Variants in ABCC12 observed in about 807,000 individuals in gnomAD.
ABCC12 encodes ATP binding cassette subfamily C member 12.
A neutral mutation model predicts 151.1 loss-of-function variants in ABCC12; 142 were observed. The ratio of observed to expected loss-of-function variants is 0.94; its 90% confidence interval spans 0.82 to 1.08. The LOEUF (loss-of-function observed/expected upper bound fraction) is 1.08. Among genes scored for constraint, ABCC12 ranks in the 50% least tolerant of loss-of-function variants. ABCC12 has a pLI of 0.00. For synonymous variants in ABCC12, 645 were observed against 646.4 expected (o/e 1.00, Z 0.03); for missense variants, 1,638 against 1,691.1 (o/e 0.97, Z 0.55).
chr16:48,142,488 A>G (rs1485700355), intron 4 of ABCC12, among the ~76,000 whole-genome samples: 2 of 152,164 alleles, frequency 1.3e-5, no homozygotes, highest in Non-Finnish European at 2.9e-5. Context: ...GCCAGAGAGA[A>G]CGGCAGAGAG....
rs772369279 is a variant in ABCC12, at chr16:48,088,543, A to G, written c.3475+2T>C. ...AGAAACAAAAGCAGAGCTTGTCCTC[A>G]CCGGAACCTGTTCTTCCAACAATCC... On this transcript the variant is annotated splice_donor_variant, in intron 26 of 30. Coordinates refer to ENST00000311303, the MANE Select transcript of ABCC12 (RefSeq NM_001393797.1). LOFTEE classifies it high-confidence loss of function. 4.3e-6 allele frequency: 7 copies of G among 1,613,392 alleles called. No individual in the cohort carries two copies.
chr16:48,084,808 T>C (rs546228321), intron 29 of ABCC12, among the ~76,000 whole-genome samples: 12 of 152,238 alleles, frequency 7.9e-5, no homozygotes, highest in African/African-American at 2.9e-4. Context: ...AATCAGGACA[T>C]TAACATCTTT....
intron 13 of ABCC12, among the ~76,000 whole-genome samples, chr16:48,120,624 C>T (rs1351351857): frequency 2.0e-5 from 3 of 149,696 alleles, no homozygotes; most frequent in African/African-American, 7.4e-5. Context: ...GGCATGATCT[C>T]GGCTCACTGC....
chr16:48,111,413 C>CT (rs1265062517), intron 18 of ABCC12, 23 bp downstream of exon 18: 1 of 1,608,132 alleles, frequency 6.2e-7, no homozygotes, highest in Admixed American at 1.7e-5. Context: ...GTGTATGTGA[C>CT]TGAGGGGATG....
At chr16:48,131,579 A>G (rs1964427541) in intron 9 of ABCC12, among the ~76,000 whole-genome samples, 1 of 152,174 alleles carries the variant, frequency 6.6e-6, no homozygotes, top group South Asian at 2.1e-4. Flanking sequence ...AATATTCTAC[A>G]GCCTCAATGA....
At chr16:48,116,891 C>A (rs1963901652) in intron 14 of ABCC12, among the ~76,000 whole-genome samples, 1 of 152,144 alleles carries the variant, frequency 6.6e-6, no homozygotes, top group South Asian at 2.1e-4. Context: ...TTAGAGGTGA[C>A]CCCCATACTC....
chr16:48,085,485 AT>A (rs1374350751), intron 29 of ABCC12, 107 bp downstream of exon 29: 4 of 943,066 alleles, frequency 4.2e-6, no homozygotes, highest in Non-Finnish European at 6.7e-6. Context: ...AAATGGCTCA[AT>A]TGCTGTCTCT....
intron 13 of ABCC12, 82 bp downstream of exon 13, chr16:48,121,634 A>G (rs771746050): frequency 1.1e-4 from 175 of 1,538,010 alleles, no homozygotes; most frequent in Non-Finnish European, 1.5e-4. Flanking sequence ...CCCACTTAGC[A>G]GTCATTACCA....
In ABCC12 at chr16:48,107,313, G is replaced by A. The variant is rs776127320; in HGVS notation, c.2475+9C>T. ...ACTCGGCATCTTCCAATGCCAAAGG[G>A]AAACTCACCCGTGAGCCCTTGTCCA... On this transcript the variant is annotated intron_variant, in intron 20 of 30. Coordinates refer to ENST00000311303, the MANE Select transcript of ABCC12 (RefSeq NM_001393797.1). The A allele has an allele frequency of 6.2e-7, 1 of 1,613,560 alleles. No individual in the cohort carries two copies.
intron 27 of ABCC12, 130 bp downstream of exon 27, chr16:48,087,796 C>T (rs1035353049): frequency 2.0e-6 from 2 of 987,286 alleles, no homozygotes; most frequent in Non-Finnish European, 1.5e-6. Context: ...CTTGTGAGCC[C>T]CCCTGGGATA....
At chr16:48,104,820 G>C (rs1963430604) in intron 21 of ABCC12, among the ~76,000 whole-genome samples, 1 of 152,234 alleles carries the variant, frequency 6.6e-6, no homozygotes, top group African/African-American at 2.4e-5. Context: ...GGGCTGGAAG[G>C]ATCTCTTGAG....
At chr16:48,100,693 C>T (rs576521144) in intron 23 of ABCC12, among the ~76,000 whole-genome samples, 179 bp downstream of exon 23, 3 of 152,150 alleles carry the variant, frequency 2.0e-5, no homozygotes, top group Admixed American at 6.5e-5. Context: ...TCTTCTGGGG[C>T]CCAAGATGCT....
In ABCC12 at chr16:48,107,368, G is replaced by C. The variant is rs770596953; in HGVS notation, c.2429C>G (p.Ala810Gly). ...GAGACCCAGCCACCAGTTGCTGAAGGCAGCGCTGCCAATCATCAGGAGGAA... is the reference window on the plus strand; with the variant it reads ...GAGACCCAGCCACCAGTTGCTGAAGCCAGCGCTGCCAATCATCAGGAGGAA... ...FLFLLMIGSAAFSNWWLGLWL... is the reference protein window; with the variant it reads ...FLFLLMIGSAGFSNWWLGLWL... Residue 810 changes from alanine to glycine, a missense_variant, in exon 20 of 31, where the codon GCC becomes GGC. Transcript: ENST00000311303. 1 of 1,614,146 alleles carries C rather than the reference G, an allele frequency of 6.2e-7. No individual in the cohort carries two copies. Among genetic ancestry groups the C allele is most frequent in the Admixed American group, 1.7e-5 (1 of 60,024 alleles).
In ABCC12 at chr16:48,130,867, A is replaced by G. The variant is rs757960352; in HGVS notation, c.1157T>C (p.Val386Ala). ...VAFSVIAMFN[V>A]MKFSIAILPF... The stretch of plus-strand genomic sequence containing the variant: ...CAAGATTGCAATGGAAAACTTCATT[A>G]CATTAAACATGGCAATCACACTAAA... Residue 386 changes from valine to alanine, a missense_variant, in exon 10 of 31, where the codon GTA becomes GCA. By Grantham distance (64) the Val-to-Ala change is moderately conservative. Coordinates refer to ENST00000311303, the MANE Select transcript of ABCC12 (RefSeq NM_001393797.1). 1.9e-6 allele frequency: 3 copies of G among 1,612,944 alleles called. No individual in the cohort carries two copies. The South Asian group carries it at 3.3e-5, about 18-fold the overall frequency.
At chr16:48,143,048 G>T (rs1390402670) in intron 4 of ABCC12, among the ~76,000 whole-genome samples, 1 of 152,110 alleles carries the variant, frequency 6.6e-6, no homozygotes, top group Non-Finnish European at 1.5e-5. Context: ...AATTAGGTTG[G>T]ACAAATGACA....
Position 48,111,878 on chromosome 16 carries a change from T to C in ABCC12, c.2022A>G (p.Leu674=). 1 of 1,614,174 alleles carries C rather than the reference T, an allele frequency of 6.2e-7. No homozygotes were observed. The highest frequency in any genetic ancestry group is 1.3e-5 in the African/African-American group (1 of 75,062). The part of the protein sequence containing the change: ...FLESCDEVIL[L]EDGEICEKGT... ...CCTTTTCACAAATCTCTCCATCTTC[T>C]AATAAAATAACTTCATCACAAGACT... Residue 674 remains leucine (L), a synonymous_variant, in exon 16 of 31, where the codon TTA becomes TTG. Transcript: ENST00000311303.
intron 23 of ABCC12, among the ~76,000 whole-genome samples, chr16:48,099,745 C>T (rs1177430868): frequency 6.6e-6 from 1 of 152,170 alleles, no homozygotes; most frequent in Non-Finnish European, 1.5e-5. Context: ...GTCTTCCGGC[C>T]TAACACAGAA....
chr16:48,139,076 G>C (rs1964710158), intron 7 of ABCC12, 87 bp downstream of exon 7: 2 of 1,418,032 alleles, frequency 1.4e-6, no homozygotes, highest in African/African-American at 2.9e-5. Context: ...GGCTTCATGC[G>C]CCAGAAATGC....
chr16:48,083,637 G>T lies in ABCC12; in HGVS notation c.*78C>A. On this transcript the variant is annotated 3_prime_UTR_variant, in exon 31 of 31. Transcript: ENST00000311303. ...GAAGACCAGGGCTGCCTGCGGAGAGGACAGCCCCTCCTCCTGAAGACTCCT... is the reference window on the plus strand; with the variant it reads ...GAAGACCAGGGCTGCCTGCGGAGAGTACAGCCCCTCCTCCTGAAGACTCCT... 1.4e-6 allele frequency: 2 copies of T among 1,462,696 alleles called. No homozygotes were observed. The highest frequency in any genetic ancestry group is 1.9e-6 in the Non-Finnish European group (2 of 1,056,414). 90.6% of individuals were successfully genotyped at this position (1,462,696 alleles called of 1,614,324 possible).
Sources: allele counts gnomAD v4.1 joint callset (sites outside exome capture counted in the v4.1 genomes callset), GRCh38; gene constraint gnomAD v4.1.1; transcripts MANE v1.5; gene names NCBI Gene and HGNC (gene_info 2026-07-23, HGNC 2026-07-21).